Variants in HBP1 observed in about 807,000 individuals in gnomAD.
The protein encoded by HBP1 is HMG box-containing protein 1.
Under a neutral mutation model 62.6 loss-of-function variants are expected in HBP1, and 20 were observed. The ratio of observed to expected loss-of-function variants is 0.32; its 90% CI spans 0.22 to 0.46. The LOEUF is 0.46. Among genes scored for constraint, HBP1 ranks in the 20% least tolerant of loss-of-function variants. The probability of loss-of-function intolerance (pLI) is 1.00; values close to 1 mark genes in which losing one functional copy is unlikely to be tolerated. For missense variants in HBP1, 480 were observed against 611.8 expected, an observed-to-expected ratio of 0.78 and a Z score of 2.27; for synonymous variants, 232 against 206.2, an observed-to-expected ratio of 1.12 and a Z score of -1.07.
chr7:107,184,703 G>T (rs1330585626), intron 3 of HBP1, among the ~76,000 whole-genome samples: 1 of 152,046 alleles, frequency 6.6e-6, no homozygotes, highest in East Asian at 1.9e-4. Context: ...GTAGAGATGG[G>T]GTTTCACTGT....
chr7:107,192,738 AGAT>A (rs1273933454), intron 8 of HBP1: 1 of 152,324 alleles, frequency 6.6e-6, no homozygotes, highest in East Asian at 1.9e-4. Context: ...ATCACTCCCA[AGAT>A]GATGTTAGTC....
intron 1 of HBP1, chr7:107,169,685 G>C: frequency 1.1e-6 from 1 of 948,142 alleles, no homozygotes; most frequent in Non-Finnish European, 1.3e-6. Flanking sequence ...TGAGGAGCTC[G>C]CGGAGCCGCT....
intron 1 of HBP1, among the ~76,000 whole-genome samples, chr7:107,174,105 T>C (rs1796727683): frequency 6.6e-6 from 1 of 152,244 alleles, no homozygotes; most frequent in South Asian, 2.1e-4. Context: ...TATGTAGTTT[T>C]GAATTTTGTT....
At chr7:107,179,136 C>T (rs1438860617) in intron 1 of HBP1, among the ~76,000 whole-genome samples, 1 of 152,018 alleles carries the variant, frequency 6.6e-6, no homozygotes, top group African/African-American at 2.4e-5. Context: ...AAAATAGAAT[C>T]TTTAAAAAAG....
chr7:107,184,810 G>A (rs114942866), intron 3 of HBP1, among the ~76,000 whole-genome samples: 71 of 152,232 alleles, frequency 4.7e-4, no homozygotes, highest in East Asian at 2.7e-3. Flanking sequence ...CACTGCACCC[G>A]GCCCTTCCTC....
intron 1 of HBP1, 176 bp from the exon 2 acceptor site, chr7:107,179,700 AGGT>A: frequency 2.7e-6 from 1 of 370,296 alleles, no homozygotes; most frequent in Non-Finnish European, 4.9e-6. Context: ...TGAACCCAGG[AGGT>A]GGAGTTTGCA....
chr7:107,193,193 A>G (rs1797736795), intron 8 of HBP1: 1 of 152,304 alleles, frequency 6.6e-6, no homozygotes, highest in Admixed American at 6.5e-5. Flanking sequence ...TGAAGTTGAC[A>G]TTTCTGTTCA....
At position 107,185,888 on chromosome 7, in the gene HBP1, A is replaced by C; in HGVS notation, c.486A>C (p.Glu162Asp). The C allele has an allele frequency of 6.2e-7, 1 of 1,613,292 alleles. No homozygotes were observed. Residue 162 changes from glutamate to aspartate, a missense_variant, in exon 4 of 11, where the codon GAA becomes GAC. Physicochemically the swap from Glu to Asp is conservative, Grantham distance 45. Around this residue, in one of 4 missense-constraint regions of HBP1, gnomAD observed 304 missense variants for 330.9 expected, o/e 0.92. Transcript: ENST00000222574. ...CAGTGTCCTCTTCTTCGAAGAGTGA[A>C]CCAGCCTTCCCTCATCACCATTGGA... ...PPPVSSSSKS[E>D]PAFPHHHWKE...
chr7:107,172,017 A>G (rs1321359629), intron 1 of HBP1, among the ~76,000 whole-genome samples: 1 of 152,144 alleles, frequency 6.6e-6, no homozygotes, highest in Non-Finnish European at 1.5e-5. Flanking sequence ...GAAAAATGGC[A>G]TACTCTAATA....
intron 8 of HBP1, 97 bp from the exon 9 acceptor site, chr7:107,195,737 A>G (rs1396157304): frequency 3.3e-6 from 2 of 603,718 alleles, no homozygotes; most frequent in Non-Finnish European, 5.1e-6. Context: ...TGAAATTTCC[A>G]ATCAGATGTT....
At chr7:107,177,009 A>T (rs1796882978) in intron 1 of HBP1, among the ~76,000 whole-genome samples, 1 of 152,136 alleles carries the variant, frequency 6.6e-6, no homozygotes, top group Non-Finnish European at 1.5e-5. Flanking sequence ...AGACTGTTGA[A>T]ACTGAATAGC....
At chr7:107,201,229 A>G in intron 10 of HBP1, 185 bp from the exon 11 acceptor site, 1 of 451,252 alleles carries the variant, frequency 2.2e-6, no homozygotes, top group Non-Finnish European at 4.0e-6. Flanking sequence ...TCAATGTCTT[A>G]TCATTGCATA....
chr7:107,177,475 A>G (rs1584478510), intron 1 of HBP1, among the ~76,000 whole-genome samples: 1 of 152,352 alleles, frequency 6.6e-6, no homozygotes, highest in African/African-American at 2.4e-5. Context: ...CAGTTGGGCT[A>G]TGTGTCAAGA....
intron 6 of HBP1, among the ~76,000 whole-genome samples, chr7:107,188,301 A>G (rs1646031635): frequency 6.6e-6 from 1 of 152,140 alleles, no homozygotes; most frequent in African/African-American, 2.4e-5. Context: ...TTCTTGGCTT[A>G]CTTTCCTCCT....
At chr7:107,200,333 C>T (rs1270664073) in intron 10 of HBP1, 32 bp downstream of exon 10, 1 of 1,590,780 alleles carries the variant, frequency 6.3e-7, no homozygotes, top group Admixed American at 1.7e-5. Flanking sequence ...TTAAAATTAT[C>T]TTGCCTTATC....
intron 9 of HBP1, among the ~76,000 whole-genome samples, chr7:107,197,302 TAATG>T (rs1273813680): frequency 1.3e-5 from 2 of 152,220 alleles, no homozygotes; most frequent in Non-Finnish European, 2.9e-5. Context: ...GTTACCACAG[TAATG>T]AATAGCTTTG....
intron 3 of HBP1, among the ~76,000 whole-genome samples, chr7:107,184,046 T>C (rs1797237835): frequency 6.6e-6 from 1 of 152,238 alleles, no homozygotes; most frequent in Non-Finnish European, 1.5e-5. Context: ...ACAGAGTATT[T>C]AGGCCATATA....
intron 1 of HBP1, among the ~76,000 whole-genome samples, chr7:107,176,954 T>A (rs531053254): frequency 6.6e-6 from 1 of 152,286 alleles, no homozygotes; most frequent in East Asian, 1.9e-4. Flanking sequence ...ACATGATTTT[T>A]ATGGAGATGT....
At chr7:107,181,250 A>T (rs962399042) in intron 2 of HBP1, among the ~76,000 whole-genome samples, 1 of 152,098 alleles carries the variant, frequency 6.6e-6, no homozygotes, top group Non-Finnish European at 1.5e-5. Context: ...TGGGAGGACA[A>T]GGTGGGAGGA....
Sources: gnomAD v4.1 joint callset for allele counts (sites outside exome capture counted in the v4.1 genomes callset) on GRCh38, gnomAD v4.1.1 for gene constraint, gnomAD v4.1.1 regional missense constraint, MANE v1.5 for transcripts, NCBI Gene and HGNC (gene_info 2026-07-23, HGNC 2026-07-21) for gene names.